The following SPRR2G variants were observed in gnomAD, a reference collection of about 807,000 sequenced individuals.
SPRR2G encodes small proline rich protein 2G, also known as small proline-rich protein 2G.
A neutral mutation model predicts 0.7 loss-of-function variants in SPRR2G; 1 was observed. The ratio of observed to expected loss-of-function variants is 1.49; its 90% CI spans 0.53 to 7.06. The LOEUF is 7.06. Among genes scored for constraint, SPRR2G ranks in the 30% most tolerant of loss-of-function variants. The probability of loss-of-function intolerance (pLI) is 0.14; values close to 1 mark genes in which losing one functional copy is unlikely to be tolerated. For missense variants in SPRR2G, 96 were observed against 88.5 expected (o/e 1.09, Z -0.34); for synonymous variants, 38 against 33.9 (o/e 1.12, Z -0.42).
chr1:153,163,715 C>G, the SPRR2G span, among the ~76,000 whole-genome samples: 1 of 152,178 alleles, frequency 6.6e-6, no homozygotes, highest in African/African-American at 2.4e-5. Context: ...GTCTTCACCC[C>G]ATCCATGTAA....
chr1:153,180,629 C>T, the SPRR2G span, among the ~76,000 whole-genome samples: 1 of 152,112 alleles, frequency 6.6e-6, no homozygotes. Context: ...TAGGTACATA[C>T]CTAGGAAAAT....
At chr1:153,200,419 A>G in the SPRR2G span, among the ~76,000 whole-genome samples, 1 of 152,176 alleles carries the variant, frequency 6.6e-6, no homozygotes, top group African/African-American at 2.4e-5. Flanking sequence ...AGCGTTGACA[A>G]AAAACGATAG....
the SPRR2G span, among the ~76,000 whole-genome samples, chr1:153,156,254 C>T: frequency 6.6e-6 from 1 of 152,154 alleles, no homozygotes; most frequent in Non-Finnish European, 1.5e-5. Flanking sequence ...ATTTTCCAGA[C>T]ATCTCATCTT....
the SPRR2G span, among the ~76,000 whole-genome samples, chr1:153,178,339 GC>G: frequency 6.6e-6 from 1 of 152,098 alleles, no homozygotes; most frequent in Non-Finnish European, 1.5e-5. Flanking sequence ...TATTGCACTG[GC>G]TGGAACTTCC....
chr1:153,187,867 G>A, the SPRR2G span, among the ~76,000 whole-genome samples: 4 of 152,238 alleles, frequency 2.6e-5, no homozygotes, highest in East Asian at 5.8e-4. Flanking sequence ...TAATGCTGAC[G>A]CCCTTTGGAT....
the SPRR2G span, among the ~76,000 whole-genome samples, chr1:153,178,426 A>T: frequency 6.6e-6 from 1 of 152,156 alleles, no homozygotes; most frequent in African/African-American, 2.4e-5. Flanking sequence ...AATATTTCAC[A>T]ATTAATATAA....
the SPRR2G span, among the ~76,000 whole-genome samples, chr1:153,201,066 A>G: frequency 6.6e-6 from 1 of 152,154 alleles, no homozygotes; most frequent in Non-Finnish European, 1.5e-5. Context: ...TAATCTAGGC[A>G]AGCCGGGCTT....
the SPRR2G span, among the ~76,000 whole-genome samples, chr1:153,194,153 G>A: frequency 6.6e-6 from 1 of 151,936 alleles, no homozygotes. Context: ...ATGATACAAT[G>A]TCAAACTGAC....
the SPRR2G span, among the ~76,000 whole-genome samples, chr1:153,161,046 A>G: frequency 4.0e-3 from 573 of 142,218 alleles, 8 homozygotes; most frequent in African/African-American, 0.013. Flanking sequence ...AACAACGAGA[A>G]CACATGGACA....
the SPRR2G span, among the ~76,000 whole-genome samples, chr1:153,184,824 T>A: frequency 3.9e-3 from 601 of 152,358 alleles, 9 homozygotes; most frequent in African/African-American, 0.013. Context: ...ACATTCAGTA[T>A]GATACTGGCT....
At position 153,149,933 on chromosome 1, in the gene SPRR2G, G is replaced by A. The variant is rs1163332499; in HGVS notation, c.178C>T (p.Pro60Ser). 1 of 1,614,062 alleles carries A rather than the reference G, an allele frequency of 6.2e-7. No homozygotes were observed. Among genetic ancestry groups the A allele is most frequent in the African/African-American group, 1.3e-5 (1 of 75,014 alleles). Residue 60 changes from proline (P) to serine (S), a missense_variant, in exon 2 of 2, where the codon CCA (proline) becomes TCA (serine). Transcript: ENST00000368748. ...PCQDKCPPVQ[P>S]YPPCQQKYPP... is the part of the protein sequence containing the mutation. ...TACTTCTGCTGGCAGGGTGGGTATG[G>A]TTGCACAGGAGGGCATTTATCCTGG...
the SPRR2G span, among the ~76,000 whole-genome samples, chr1:153,163,460 T>G: frequency 5.9e-5 from 9 of 152,292 alleles, no homozygotes; most frequent in East Asian, 1.7e-3. Flanking sequence ...TGATAGAGAC[T>G]TGACTATTTG....
the SPRR2G span, among the ~76,000 whole-genome samples, chr1:153,173,545 T>C: frequency 6.6e-6 from 1 of 152,212 alleles, no homozygotes; most frequent in Non-Finnish European, 1.5e-5. Context: ...TCTTTCAGCC[T>C]CTGCTTGAAG....
the SPRR2G span, among the ~76,000 whole-genome samples, chr1:153,195,188 C>T: frequency 1.3e-5 from 2 of 152,156 alleles, no homozygotes; most frequent in East Asian, 3.9e-4. Flanking sequence ...TGAAGCCTCC[C>T]TTCCCCGCAG....
chr1:153,162,461 G>A, the SPRR2G span, among the ~76,000 whole-genome samples: 1 of 152,168 alleles, frequency 6.6e-6, no homozygotes, highest in Non-Finnish European at 1.5e-5. Context: ...CCCTTCTGCT[G>A]TGCCTGAGCC....
chr1:153,195,545 C>G, the SPRR2G span, among the ~76,000 whole-genome samples: 1 of 152,138 alleles, frequency 6.6e-6, no homozygotes, highest in East Asian at 1.9e-4. Context: ...TTCCTTAGCT[C>G]TCTGTACCCC....
At chr1:153,177,248 T>C in the SPRR2G span, among the ~76,000 whole-genome samples, 4 of 152,240 alleles carry the variant, frequency 2.6e-5, no homozygotes, top group African/African-American at 9.6e-5. Context: ...ATTTATTGAT[T>C]TACCTGCAGA....
At chr1:153,165,601 C>T in the SPRR2G span, among the ~76,000 whole-genome samples, 1 of 152,162 alleles carries the variant, frequency 6.6e-6, no homozygotes, top group Non-Finnish European at 1.5e-5. Flanking sequence ...GTTATCTCCT[C>T]TCCCAGAACT....
At chr1:153,155,806 G>T (rs1656571970), upstream of SPRR2G, among the ~76,000 whole-genome samples, 1 of 152,124 alleles carries the variant, frequency 6.6e-6, no homozygotes, top group South Asian at 2.1e-4. Context: ...TATTATTATT[G>T]TTTTACCGGG....
Sources: allele counts gnomAD v4.1 joint callset (sites outside exome capture counted in the v4.1 genomes callset), GRCh38; gene constraint gnomAD v4.1.1; transcripts MANE v1.5; gene names NCBI Gene and HGNC (gene_info 2026-07-23, HGNC 2026-07-21).